The following CDC20B variants were observed in gnomAD, a reference collection of about 807,000 sequenced individuals.
The protein encoded by CDC20B is cell division cycle protein 20 homolog B.
CDC20B carries 58 observed loss-of-function variants against 64.1 expected under a neutral mutation model. That is an observed-to-expected ratio of 0.90 (90% CI 0.73 to 1.13). CDC20B has a LOEUF of 1.13. CDC20B is among the 50% of genes most tolerant of loss of function. CDC20B has a pLI of 0.00. For synonymous variants in CDC20B, 243 were observed against 230.6 expected, an observed-to-expected ratio of 1.05 and a Z score of -0.49; for missense variants, 597 against 633.0, an observed-to-expected ratio of 0.94 and a Z score of 0.61.
chr5:55,140,583 G>A (rs566957772), intron 4 of CDC20B, among the ~76,000 whole-genome samples, 176 bp from the exon 5 acceptor site: 6 of 152,154 alleles, frequency 3.9e-5, no homozygotes, highest in Admixed American at 1.3e-4. Flanking sequence ...AATATATTAT[G>A]AACAGTGCTG....
intron 9 of CDC20B, among the ~76,000 whole-genome samples, chr5:55,123,149 T>C (rs1490763549): frequency 6.6e-6 from 1 of 152,220 alleles, no homozygotes; most frequent in African/African-American, 2.4e-5. Context: ...GGTGAATTAA[T>C]GTACGGTTTA....
At chr5:55,125,660 CT>C (rs1742868031) in intron 8 of CDC20B, among the ~76,000 whole-genome samples, 1 of 152,180 alleles carries the variant, frequency 6.6e-6, no homozygotes, top group African/African-American at 2.4e-5. Flanking sequence ...GATCACATCA[CT>C]TTTTCAAAGA....
At chr5:55,162,945 A>G (rs1047603314) in intron 2 of CDC20B, among the ~76,000 whole-genome samples, 2 of 152,168 alleles carry the variant, frequency 1.3e-5, no homozygotes, top group African/African-American at 4.8e-5. Flanking sequence ...TCCTGGCTCA[A>G]CCACTCATTA....
intron 5 of CDC20B, among the ~76,000 whole-genome samples, chr5:55,135,445 A>G (rs928707654): frequency 6.6e-6 from 1 of 152,166 alleles, no homozygotes; most frequent in Non-Finnish European, 1.5e-5. Context: ...CACATATTTT[A>G]TTTTGCTTTT....
intron 6 of CDC20B, among the ~76,000 whole-genome samples, chr5:55,130,037 T>TA (rs1742989211): frequency 6.6e-6 from 1 of 152,232 alleles, no homozygotes; most frequent in South Asian, 2.1e-4. Flanking sequence ...GCAGCCATTA[T>TA]ATTCTCCATG....
rs34581363 is a variant in CDC20B, at chr5:55,126,466, C to CAAAAAAAAAAAA, written c.989+779_989+790dup. On this transcript the variant is annotated intron_variant, in intron 8 of 11. Coordinates refer to ENST00000381375, the MANE Select transcript of CDC20B (RefSeq NM_001170402.1). ...TAGGTGACAGAGTGAGATTCCATGT[C>CAAAAAAAAAAAA]AAAAAAAAAAAAAAAAAAAAACAGT... 5.7e-3 allele frequency: 560 copies of CAAAAAAAAAAAA among 98,582 alleles called. 29 individuals carry two copies. Among genetic ancestry groups the CAAAAAAAAAAAA allele is most frequent in the African/African-American group, 0.015 (244 of 16,122 alleles). 6.1% of individuals were successfully genotyped at this position (98,582 alleles called of 1,614,324 possible).
chr5:55,151,928 T>C (rs926507954), intron 2 of CDC20B, among the ~76,000 whole-genome samples: 4 of 152,182 alleles, frequency 2.6e-5, no homozygotes, highest in Admixed American at 1.3e-4. Flanking sequence ...GCTATGCAGA[T>C]GTAAGTTCAG....
intron 2 of CDC20B, among the ~76,000 whole-genome samples, chr5:55,158,905 G>A (rs1337613347): frequency 6.6e-6 from 1 of 152,156 alleles, no homozygotes; most frequent in Non-Finnish European, 1.5e-5. Flanking sequence ...ACGTGCCCAA[G>A]TAGAGGTGGG....
intron 2 of CDC20B, among the ~76,000 whole-genome samples, chr5:55,167,724 G>T (rs765052774): frequency 6.6e-6 from 1 of 152,150 alleles, no homozygotes; most frequent in Non-Finnish European, 1.5e-5. Context: ...TTAGCTGGGT[G>T]TAGTGGCACA....
At chr5:55,160,904 C>T in intron 2 of CDC20B, 1 of 1,333,514 alleles carries the variant, frequency 7.5e-7, no homozygotes, top group Non-Finnish European at 1.0e-6. Context: ...TTATAGTCCC[C>T]CCCAAATTGT....
intron 7 of CDC20B, 56 bp from the exon 8 acceptor site, chr5:55,127,407 C>T: frequency 2.8e-6 from 4 of 1,408,916 alleles, no homozygotes; most frequent in Non-Finnish European, 4.0e-6. Flanking sequence ...AGCCCACTGT[C>T]TTCTCAAAGG....
At chr5:55,165,511 C>T (rs975373304) in intron 2 of CDC20B, 2 of 152,204 alleles carry the variant, frequency 1.3e-5, no homozygotes, top group African/African-American at 4.8e-5. Flanking sequence ...GAAGATGTTT[C>T]GTATGGCAAA....
intron 5 of CDC20B, chr5:55,135,773 T>G (rs1229268620): frequency 1.1e-4 from 17 of 151,036 alleles, no homozygotes; most frequent in African/African-American, 3.9e-4. Context: ...TTTTTTTTTT[T>G]TTTTTAGCTC....
At chr5:55,132,482 C>A (rs10043664) in intron 6 of CDC20B, among the ~76,000 whole-genome samples, 18,747 of 152,162 alleles carry the variant, frequency 0.12, 1,329 homozygotes, top group East Asian at 0.26. Context: ...CATAGTCTTT[C>A]CTCTCCAAAT....
At chr5:55,160,217 C>T (rs375475047) in intron 2 of CDC20B, 30 of 1,613,956 alleles carry the variant, frequency 1.9e-5, no homozygotes, top group Non-Finnish European at 5.1e-6. Flanking sequence ...AGCTTACCCG[C>T]TAAAATGTTC....
At chr5:55,140,487 T>C (rs2111865377) in intron 4 of CDC20B, 80 bp from the exon 5 acceptor site, 7 of 878,932 alleles carry the variant, frequency 8.0e-6, no homozygotes, top group South Asian at 3.5e-5. Context: ...AATATAGAAT[T>C]ACAACTGGTA....
intron 2 of CDC20B, among the ~76,000 whole-genome samples, chr5:55,148,676 C>T (rs549630071): frequency 5.9e-5 from 9 of 151,756 alleles, no homozygotes; most frequent in Non-Finnish European, 1.2e-4. Context: ...CCAGCCTGGG[C>T]GACAAAGTGA....
At chr5:55,144,200 T>C (rs1743411952) in intron 3 of CDC20B, among the ~76,000 whole-genome samples, 1 of 152,134 alleles carries the variant, frequency 6.6e-6, no homozygotes, top group South Asian at 2.1e-4. Flanking sequence ...CCCTTTCTAT[T>C]GCAGAAAGAT....
At position 55,114,356 on chromosome 5, in the gene CDC20B, G is replaced by A. The variant is rs145015277; in HGVS notation, c.1460-38C>T. The A allele has an allele frequency of 2.1e-5, 34 of 1,609,072 alleles. No homozygotes were observed. Among genetic ancestry groups the A allele is most frequent in the African/African-American group, 1.9e-4 (14 of 74,904 alleles). ...GGAAAGACAGTTCATACTCCTCCAC[G>A]TTACATGGGCTGCTGCTCAGGACTG... On this transcript the variant is annotated intron_variant, in intron 11 of 11. Transcript: ENST00000381375. The surrounding 1 kb of genome is among the most constrained non-coding windows in gnomAD (Gnocchi z 4.1).
Sources: gnomAD v4.1 joint callset for allele counts (sites outside exome capture counted in the v4.1 genomes callset) on GRCh38, gnomAD v4.1.1 for gene constraint, Gnocchi (gnomAD v3.1) non-coding constraint, MANE v1.5 for transcripts, NCBI Gene and HGNC (gene_info 2026-07-23, HGNC 2026-07-21) for gene names.